FLT1: variants seen among roughly 807,000 people sequenced by gnomAD.
The protein encoded by FLT1 is vascular endothelial growth factor receptor 1.
A neutral mutation model predicts 156.3 loss-of-function variants in FLT1; 49 were observed. The observed-to-expected ratio is 0.31, with a 90% CI of 0.25 to 0.40. The LOEUF is 0.40. FLT1 is among the 10% of genes least tolerant of loss of function. The pLI is 1.00. For synonymous variants in FLT1, 594 were observed against 583.8 expected, an observed-to-expected ratio of 1.02 and a Z score of -0.25; for missense variants, 1,322 against 1,637.2, an observed-to-expected ratio of 0.81 and a Z score of 3.32.
intron 10 of FLT1, among the ~76,000 whole-genome samples, chr13:28,413,189 GC>G (rs1271583367): frequency 6.6e-6 from 1 of 152,132 alleles, no homozygotes; most frequent in Non-Finnish European, 1.5e-5. Context: ...AGCGTCCTGG[GC>G]CACCTCTGTT....
At chr13:28,408,848 A>G (rs1245529385) in intron 10 of FLT1, among the ~76,000 whole-genome samples, 1 of 152,148 alleles carries the variant, frequency 6.6e-6, no homozygotes, top group Non-Finnish European at 1.5e-5. Flanking sequence ...CTCCATTTGC[A>G]TACAGCATGC....
chr13:28,335,540 T>C (rs770994201), intron 17 of FLT1, among the ~76,000 whole-genome samples: 2 of 152,208 alleles, frequency 1.3e-5, no homozygotes, highest in African/African-American at 2.4e-5. Context: ...GTGACAAAAA[T>C]GTCTTTACCT....
intron 29 of FLT1, among the ~76,000 whole-genome samples, chr13:28,306,409 T>C (rs927697696): frequency 6.6e-6 from 1 of 152,204 alleles, no homozygotes; most frequent in African/African-American, 2.4e-5. Context: ...ATCAGGCTTC[T>C]TTCACCTGAG....
At chr13:28,355,838 G>C (rs1160266456) in intron 15 of FLT1, among the ~76,000 whole-genome samples, 4 of 152,240 alleles carry the variant, frequency 2.6e-5, no homozygotes. Context: ...GCGAACAGAA[G>C]GGTGGTCGTT....
chr13:28,447,239 C>T (rs1179338750), intron 3 of FLT1, among the ~76,000 whole-genome samples: 1 of 151,152 alleles, frequency 6.6e-6, no homozygotes, highest in Admixed American at 6.6e-5. Context: ...AGTGCAGTGG[C>T]AGGACCATGG....
At chr13:28,320,706 G>A (rs1481648885) in intron 23 of FLT1, among the ~76,000 whole-genome samples, 1 of 152,182 alleles carries the variant, frequency 6.6e-6, no homozygotes, top group South Asian at 2.1e-4. Context: ...CTCCACCCAA[G>A]AGTTACTGAC....
chr13:28,343,624 T>C (rs1161794901), intron 16 of FLT1, among the ~76,000 whole-genome samples: 1 of 151,280 alleles, frequency 6.6e-6, no homozygotes, highest in East Asian at 1.9e-4. Context: ...CCAAAATTTC[T>C]CTTCTTTTCT....
At chr13:28,350,891 TCTTC>T (rs1161285451) in intron 15 of FLT1, among the ~76,000 whole-genome samples, 1 of 151,450 alleles carries the variant, frequency 6.6e-6, no homozygotes, top group Non-Finnish European at 1.5e-5. Context: ...CTCCTCCCTT[TCTTC>T]CTTCCTTCTT....
chr13:28,480,113 A>C (rs1426456223), intron 1 of FLT1, among the ~76,000 whole-genome samples: 1 of 152,202 alleles, frequency 6.6e-6, no homozygotes, highest in African/African-American at 2.4e-5. Context: ...GTGCAATCCC[A>C]GGAGTCTGGG....
Position 28,301,984 on chromosome 13 carries a change from T to G in FLT1, c.*1183A>C. The stretch of plus-strand genomic sequence containing the variant: ...TTCAGATTAGTGTGAGATAGTGGAA[T>G]CCCCATTAAATGAAAAGGAAACGTG... On this transcript the variant is annotated 3_prime_UTR_variant, in exon 30 of 30. Coordinates refer to ENST00000282397, the MANE Select transcript of FLT1 (RefSeq NM_002019.4). 4.3e-6 allele frequency: 1 copy of G among 233,690 alleles called. No homozygotes were observed. Among genetic ancestry groups the G allele is most frequent in the Non-Finnish European group, 8.5e-6 (1 of 118,038 alleles). 14.5% of individuals were successfully genotyped at this position (233,690 alleles called of 1,614,324 possible).
chr13:28,306,631 T>A lies in FLT1; in HGVS notation c.3815+47A>T, dbSNP rs777203064. ...TACCACCTTCCCCCAGCATCTCCCC[T>A]CGTACCCCTCCATCAACTGATCACA... On this transcript the variant is annotated intron_variant, in intron 29 of 29. Transcript: ENST00000282397. 3 of 1,327,878 alleles carry A rather than the reference T, an allele frequency of 2.3e-6. No individual in the cohort carries two copies. The East Asian group carries it at 6.9e-5, about 30-fold the overall frequency. 82.3% of individuals were successfully genotyped at this position (1,327,878 alleles called of 1,614,324 possible).
chr13:28,366,750 C>A (rs550373803), intron 14 of FLT1, among the ~76,000 whole-genome samples: 36 of 152,212 alleles, frequency 2.4e-4, no homozygotes, highest in African/African-American at 8.7e-4. Context: ...GGATTACAGG[C>A]GTGAGCCACC....
chr13:28,467,057 T>A lies in FLT1; in HGVS notation c.234A>T (p.Lys78Asn). The A allele has an allele frequency of 1.2e-6, 2 of 1,614,160 alleles. No homozygotes were observed. The highest frequency in any genetic ancestry group is 2.2e-5 in the South Asian group (2 of 91,082). The change falls in exon 3 of 30, where the codon AAA (lysine) becomes AAT (asparagine). Residue 78 changes from lysine to asparagine, a missense_variant. By Grantham distance (94) the Lys-to-Asn change is moderately conservative. Around this residue, in one of 3 missense-constraint regions of FLT1, gnomAD observed 991 missense variants for 1,254.8 expected, o/e 0.79. Coordinates refer to ENST00000282397, the MANE Select transcript of FLT1 (RefSeq NM_002019.4). ...GTTTGCCATTTCTTCCACAGGCAGATTTAGTTATGCTCAGCCTTTCGCTTT... is the reference window on the plus strand; with the variant it reads ...GTTTGCCATTTCTTCCACAGGCAGAATTAGTTATGCTCAGCCTTTCGCTTT... ...SKESERLSIT[K>N]SACGRNGKQF...
rs57304530 is a variant in FLT1 at position 28,357,868 on chromosome 13, C to CTTTTT, written c.2117-188_2117-184dup. ...CCAGGCTTTCTTTTTCTTTTCTTTC[C>CTTTTT]TTTTTTTTTTTTTTTTTTTTTCTGC... On this transcript the variant is annotated intron_variant, in intron 14 of 29. Coordinates refer to ENST00000282397, the MANE Select transcript of FLT1 (RefSeq NM_002019.4). 4.6e-3 allele frequency among the ~76,000 whole-genome samples: 484 copies of CTTTTT among 104,708 alleles called. 22 individuals carry two copies. The highest frequency in any genetic ancestry group is 0.016 in the African/African-American group (433 of 26,956). The allele number at this position is 104,708 out of a possible 152,430, so 68.7% of individuals were successfully genotyped here.
intron 16 of FLT1, among the ~76,000 whole-genome samples, chr13:28,343,606 G>T (rs1230923817): frequency 6.6e-6 from 1 of 151,172 alleles, no homozygotes; most frequent in African/African-American, 2.4e-5. Flanking sequence ...ACCACGCGCG[G>T]CCTGCCACCA....
chr13:28,330,716 TA>T (rs201629793), intron 18 of FLT1, among the ~76,000 whole-genome samples: 4 of 151,132 alleles, frequency 2.6e-5, no homozygotes, highest in Non-Finnish European at 3.0e-5. Flanking sequence ...TTTTATTTTT[TA>T]TTTTTATTTT....
intron 19 of FLT1, 84 bp downstream of exon 19, chr13:28,329,531 G>A (rs1255954687): frequency 2.1e-6 from 2 of 965,680 alleles, no homozygotes; most frequent in Admixed American, 1.9e-5. Context: ...AGCACAGTGC[G>A]GGGGAGAAGG....
intron 28 of FLT1, chr13:28,308,507 T>A: frequency 2.7e-6 from 1 of 369,506 alleles, no homozygotes. Context: ...ACAAAGCCCA[T>A]CACCCACACA....
At position 28,439,417 on chromosome 13, in the gene FLT1, G is replaced by A. The variant is rs1173891527; in HGVS notation, c.389-1072C>T. Among the ~76,000 whole-genome samples, 1 of 152,186 alleles carries A rather than the reference G, an allele frequency of 6.6e-6. No homozygotes were observed. Among genetic ancestry groups the A allele is most frequent in the Non-Finnish European group, 1.5e-5 (1 of 68,032 alleles). ...GTGGATTACGAAGCTAATTCAGGAT[G>A]CTGAATGGAGAAGGAATTGGAGAGA... On this transcript the variant is annotated intron_variant, in intron 3 of 29. Transcript: ENST00000282397. The surrounding 1 kb of genome is among the most constrained non-coding windows in gnomAD (Gnocchi z 4.1).
Sources: gnomAD v4.1 joint callset for allele counts (sites outside exome capture counted in the v4.1 genomes callset) on GRCh38, gnomAD v4.1.1 for gene constraint, gnomAD v4.1.1 regional missense constraint, Gnocchi (gnomAD v3.1) non-coding constraint, MANE v1.5 for transcripts, NCBI Gene and HGNC (gene_info 2026-07-23, HGNC 2026-07-21) for gene names.